The following JMJD1C variants were observed in gnomAD, a reference collection of about 807,000 sequenced individuals.
JMJD1C encodes jumonji domain containing 1C, also known as jumonji domain-containing protein 1C.
A neutral mutation model predicts 245.3 loss-of-function variants in JMJD1C; 31 were observed. The observed-to-expected ratio is 0.13, with a 90% CI of 0.09 to 0.17. The LOEUF (loss-of-function observed/expected upper bound fraction) is 0.17, where lower values mean the gene tolerates loss of function less well. Ranked by LOEUF, JMJD1C falls within the 10% of genes least tolerant of loss-of-function variation. The pLI is 1.00. For missense variants in JMJD1C, 2,691 were observed against 3,000.2 expected, an observed-to-expected ratio of 0.90 and a Z score of 2.41; for synonymous variants, 1,057 against 1,017.4, an observed-to-expected ratio of 1.04 and a Z score of -0.74.
intron 25 of JMJD1C, 118 bp downstream of exon 25, chr10:63,168,317 C>A: frequency 1.8e-6 from 2 of 1,093,020 alleles, no homozygotes; most frequent in Non-Finnish European, 2.6e-6. Context: ...TGGTGTTAAT[C>A]TTTGGTTGTC....
At chr10:63,251,126 C>T (rs930460804) in intron 3 of JMJD1C, among the ~76,000 whole-genome samples, 1 of 152,128 alleles carries the variant, frequency 6.6e-6, no homozygotes, top group African/African-American at 2.4e-5. Context: ...GGCTTGAAGA[C>T]TTTACATATA....
intron 2 of JMJD1C, among the ~76,000 whole-genome samples, chr10:63,337,458 G>GT (rs1178860898): frequency 1.4e-5 from 1 of 72,952 alleles, no homozygotes; most frequent in Non-Finnish European, 2.6e-5. Flanking sequence ...AGAGAAGGCG[G>GT]GGGGGGGGGA....
At chr10:63,517,220 TCTCA>T (rs1955047140) in intron 1 of JMJD1C, among the ~76,000 whole-genome samples, 1 of 152,166 alleles carries the variant, frequency 6.6e-6, no homozygotes, top group African/African-American at 2.4e-5. Flanking sequence ...CTAATTCTGC[TCTCA>T]CTACCTGCTC....
In JMJD1C at chr10:63,190,916, G is replaced by A; in HGVS notation, c.6269C>T (p.Pro2090Leu). ...CACTGGGGCTCCCATTGAATATACT[G>A]GGGCAAAGGCAATGCCAGCATCTGT... ...GSTDAGIAFA[P>L]VYSMGAPSSK... Residue 2090 changes from proline to leucine, a missense_variant, in exon 17 of 26, where the codon CCA becomes CTA. Pro to Leu is a moderately conservative substitution (Grantham distance 98). This residue lies in a region of JMJD1C where 275 missense variants were observed against 285.5 expected (regional missense o/e 0.96). Coordinates refer to ENST00000399262, the MANE Select transcript of JMJD1C (RefSeq NM_032776.3). 6.2e-7 allele frequency: 1 copy of A among 1,613,932 alleles called. No homozygotes were observed. The highest frequency in any genetic ancestry group is 8.5e-7 in the Non-Finnish European group (1 of 1,179,866).
intron 1 of JMJD1C, among the ~76,000 whole-genome samples, chr10:63,496,321 G>A (rs1490271188): frequency 2.6e-5 from 4 of 151,946 alleles, no homozygotes; most frequent in Non-Finnish European, 1.5e-5. Flanking sequence ...AGCATACTAT[G>A]CAGACTTTAT....
In JMJD1C at chr10:63,427,527, A is replaced by C. The variant is rs1950512886; in HGVS notation, c.168+37968T>G. 2.9e-6 allele frequency: 4 copies of C among 1,360,030 alleles called. No individual in the cohort carries two copies. The South Asian group carries it at 4.7e-5, about 16-fold the overall frequency. 84.2% of individuals were successfully genotyped at this position (1,360,030 alleles called of 1,614,324 possible). ...TGTTTCCTGCCAATGTTCTTCATTCAGTGTACATCCTGGAGGACTCTATTG... is the reference window on the plus strand; with the variant it reads ...TGTTTCCTGCCAATGTTCTTCATTCCGTGTACATCCTGGAGGACTCTATTG... On this transcript the variant is annotated intron_variant, in intron 1 of 25. Coordinates refer to ENST00000399262, the MANE Select transcript of JMJD1C (RefSeq NM_032776.3).
chr10:63,519,255 C>A (rs1470483302), intron 1 of JMJD1C, among the ~76,000 whole-genome samples: 2 of 152,176 alleles, frequency 1.3e-5, no homozygotes, highest in African/African-American at 4.8e-5. Flanking sequence ...AGCCAGCCAT[C>A]CTACCTAGGT....
intron 1 of JMJD1C, among the ~76,000 whole-genome samples, chr10:63,487,953 A>C (rs1331216651): frequency 6.6e-6 from 1 of 152,232 alleles, no homozygotes; most frequent in Admixed American, 6.5e-5. Context: ...ATATTATTCC[A>C]ATTTCATAAA....
At chr10:63,374,594 A>C (rs1946571472) in intron 2 of JMJD1C, among the ~76,000 whole-genome samples, 1 of 152,168 alleles carries the variant, frequency 6.6e-6, no homozygotes, top group Non-Finnish European at 1.5e-5. Flanking sequence ...TTCTACTACT[A>C]TGAATATACA....
intron 1 of JMJD1C, among the ~76,000 whole-genome samples, chr10:63,460,638 G>C (rs1952727008): frequency 6.6e-6 from 1 of 152,112 alleles, no homozygotes; most frequent in African/African-American, 2.4e-5. Flanking sequence ...TAAATGCTAG[G>C]TACGGTACTA....
chr10:63,446,881 C>T (rs1319696826), intron 1 of JMJD1C, among the ~76,000 whole-genome samples: 1 of 151,970 alleles, frequency 6.6e-6, no homozygotes, highest in Non-Finnish European at 1.5e-5. Flanking sequence ...TGTATAATAC[C>T]AAGCACTTTA....
intron 2 of JMJD1C, among the ~76,000 whole-genome samples, chr10:63,354,076 T>C (rs896261146): frequency 6.6e-6 from 1 of 152,204 alleles, no homozygotes; most frequent in Admixed American, 6.5e-5. Flanking sequence ...GTTGACTTCA[T>C]GATCTGCCCG....
intron 1 of JMJD1C, among the ~76,000 whole-genome samples, chr10:63,453,146 G>C (rs1371138006): frequency 6.6e-6 from 1 of 151,988 alleles, no homozygotes; most frequent in African/African-American, 2.4e-5. Context: ...GTGGTGGCAG[G>C]TGCCTGTAAC....
chr10:63,479,832 A>AAAT lies in JMJD1C; in HGVS notation n.113+41903_113+41905dup, dbSNP rs1953774997. 2.0e-5 allele frequency among the ~76,000 whole-genome samples: 3 copies of AAAT among 152,304 alleles called. No homozygotes were observed. In the South Asian group the frequency reaches 6.2e-4, roughly 32 times the overall value. ...TGTTGTCCCACTGAGAGTGACACAG[A>AAAT]AATAGCAGAACTTCTTAAATTTAAT... On this transcript the variant is annotated intron_variant and non_coding_transcript_variant, in intron 1 of 3. Coordinates refer to the JMJD1C transcript ENST00000633035.
At chr10:63,285,551 G>C (rs906285817) in intron 2 of JMJD1C, among the ~76,000 whole-genome samples, 13 of 152,150 alleles carry the variant, frequency 8.5e-5, no homozygotes, top group African/African-American at 3.1e-4. Context: ...GGGCAGAGTG[G>C]CTGAAGCCTC....
intron 8 of JMJD1C, 94 bp from the exon 9 acceptor site, chr10:63,209,329 G>A (rs1847043821): frequency 2.1e-6 from 2 of 968,890 alleles, no homozygotes; most frequent in Non-Finnish European, 1.4e-6. Context: ...TGATCTTGGT[G>A]GTTTATTAGT....
intron 3 of JMJD1C, among the ~76,000 whole-genome samples, chr10:63,241,412 G>A (rs1851469136): frequency 6.6e-6 from 1 of 152,152 alleles, no homozygotes; most frequent in Non-Finnish European, 1.5e-5. Context: ...CTACATGGAA[G>A]CACATTTTAC....
intron 3 of JMJD1C, among the ~76,000 whole-genome samples, chr10:63,257,711 G>A (rs1854154538): frequency 6.6e-6 from 1 of 152,176 alleles, no homozygotes; most frequent in African/African-American, 2.4e-5. Context: ...AAAGGTAAGG[G>A]TGTGCTGTAA....
intron 24 of JMJD1C, among the ~76,000 whole-genome samples, chr10:63,175,755 T>G (rs1190808004): frequency 6.6e-6 from 1 of 152,202 alleles, no homozygotes; most frequent in African/African-American, 2.4e-5. Flanking sequence ...ACTGTGTACT[T>G]TTAATCCCAC....
Sources: gnomAD v4.1 joint callset for allele counts (sites outside exome capture counted in the v4.1 genomes callset) on GRCh38, gnomAD v4.1.1 for gene constraint, gnomAD v4.1.1 regional missense constraint, MANE v1.5 for transcripts, NCBI Gene and HGNC (gene_info 2026-07-23, HGNC 2026-07-21) for gene names.